Variants in CCDC18 observed in about 807,000 individuals in gnomAD.
CCDC18 encodes coiled-coil domain-containing protein 18.
In CCDC18, 157 loss-of-function variants were observed where a neutral mutation model predicts 196.0. The observed-to-expected ratio is 0.80, with a 90% CI of 0.70 to 0.91. The LOEUF is 0.91. Among genes scored for constraint, CCDC18 ranks in the 40% least tolerant of loss-of-function variants. The pLI is 0.00. For synonymous variants in CCDC18, 482 were observed against 529.2 expected (o/e 0.91, Z 1.22); for missense variants, 1,465 against 1,611.6 (o/e 0.91, Z 1.56).
chr1:93,196,943 A>C (rs1366009309), intron 6 of CCDC18, among the ~76,000 whole-genome samples: 1 of 152,214 alleles, frequency 6.6e-6, no homozygotes, highest in African/African-American at 2.4e-5. Context: ...ACTGGTGTTC[A>C]TTGACCATTG....
At chr1:93,182,047 G>T (rs1649806988) in intron 1 of CCDC18, among the ~76,000 whole-genome samples, 1 of 152,180 alleles carries the variant, frequency 6.6e-6, no homozygotes, top group Non-Finnish European at 1.5e-5. Context: ...CCATCCTACA[G>T]AGAGCTAGAG....
intron 14 of CCDC18, among the ~76,000 whole-genome samples, chr1:93,220,833 G>T (rs1319371655): frequency 6.6e-6 from 1 of 152,034 alleles, no homozygotes; most frequent in Admixed American, 6.6e-5. Context: ...CCATGTCTTC[G>T]TGTGTTCTCA....
rs1038108496 is a variant in CCDC18, at chr1:93,236,325, T to A, written c.2538T>A (p.Cys846Ter). The change falls in exon 19 of 29, where the codon TGT (cysteine) becomes TGA (stop). Residue 846 changes from cysteine (C) to a stop codon, truncating the protein, a stop_gained. Coordinates refer to ENST00000690025, the MANE Select transcript of CCDC18 (RefSeq NM_001378204.1). LOFTEE classifies it high-confidence loss of function. Reference protein sequence around the residue: ...AEKLRKMEEKCESAAHEADLK... With the variant: ...AEKLRKMEEK Reference sequence around the variant, plus strand: ...AGTTGAGAAAAATGGAGGAGAAATGTGAATCAGCTGCACATGAAGCAGATT... The same window carrying A: ...AGTTGAGAAAAATGGAGGAGAAATGAGAATCAGCTGCACATGAAGCAGATT... 3.8e-5 allele frequency: 60 copies of A among 1,577,384 alleles called. No homozygotes were observed. In the East Asian group the frequency reaches 1.4e-3, roughly 36 times the overall value.
intron 28 of CCDC18, among the ~76,000 whole-genome samples, chr1:93,277,973 TTTTATTTTA>T (rs1665718944): frequency 6.6e-6 from 1 of 152,026 alleles, no homozygotes; most frequent in Non-Finnish European, 1.5e-5. Context: ...TGCTTTTATT[TTTTATTTTA>T]TTTATTTTAT....
chr1:93,220,937 G>A (rs574782590), intron 14 of CCDC18, among the ~76,000 whole-genome samples: 5 of 152,080 alleles, frequency 3.3e-5, no homozygotes, highest in South Asian at 2.1e-4. Flanking sequence ...AACTCCATCC[G>A]TGTCCCTGTA....
intron 18 of CCDC18, among the ~76,000 whole-genome samples, chr1:93,235,884 G>T (rs1232191675): frequency 2.0e-5 from 3 of 152,114 alleles, no homozygotes; most frequent in African/African-American, 4.8e-5. Context: ...AGCATTTGAG[G>T]TCATGTGGAA....
At chr1:93,198,744 C>T (rs1400770216) in intron 6 of CCDC18, among the ~76,000 whole-genome samples, 1 of 152,054 alleles carries the variant, frequency 6.6e-6, no homozygotes, top group Admixed American at 6.6e-5. Flanking sequence ...AACTACTGGG[C>T]TCAAGTGATC....
At chr1:93,252,156 G>A (rs1044987918) in intron 23 of CCDC18, among the ~76,000 whole-genome samples, 2 of 152,004 alleles carry the variant, frequency 1.3e-5, no homozygotes, top group African/African-American at 2.4e-5. Flanking sequence ...TCCCACTTCC[G>A]CATTGTGAGT....
intron 23 of CCDC18, among the ~76,000 whole-genome samples, chr1:93,254,258 G>C (rs1035248991): frequency 1.3e-5 from 2 of 152,084 alleles, no homozygotes; most frequent in Non-Finnish European, 2.9e-5. Flanking sequence ...CTGTTGTTGT[G>C]GGGGAATATG....
intron 21 of CCDC18, among the ~76,000 whole-genome samples, chr1:93,245,003 C>G (rs978944798): frequency 1.9e-4 from 29 of 152,174 alleles, no homozygotes; most frequent in African/African-American, 6.5e-4. Flanking sequence ...AGTTAATGCT[C>G]TAACATAGCA....
intron 6 of CCDC18, among the ~76,000 whole-genome samples, chr1:93,196,491 A>G (rs1325640707): frequency 6.6e-6 from 1 of 152,186 alleles, no homozygotes; most frequent in Non-Finnish European, 1.5e-5. Context: ...AGATATAAAG[A>G]CTCTAAACCA....
chr1:93,200,450 G>C (rs1571392453), intron 6 of CCDC18, among the ~76,000 whole-genome samples: 1 of 151,788 alleles, frequency 6.6e-6, no homozygotes, highest in Non-Finnish European at 1.5e-5. Context: ...AGACCAGCCC[G>C]GGCAAAATAG....
intron 17 of CCDC18, among the ~76,000 whole-genome samples, chr1:93,230,481 G>A (rs1157086631): frequency 3.9e-4 from 59 of 149,858 alleles, no homozygotes; most frequent in Non-Finnish European, 6.8e-4. Context: ...GGCAAAGGAA[G>A]ACTCCATCTC....
At chr1:93,180,657 C>T, upstream of CCDC18, 1 of 1,318,192 alleles carries the variant, frequency 7.6e-7, no homozygotes, top group Admixed American at 2.4e-5. Flanking sequence ...CCTTCGGCGG[C>T]GCCTCACGCA....
At chr1:93,236,980 T>C (rs1570506478) in intron 19 of CCDC18, among the ~76,000 whole-genome samples, 1 of 152,350 alleles carries the variant, frequency 6.6e-6, no homozygotes, top group South Asian at 2.1e-4. Context: ...CTGAAAGCAG[T>C]ACCCAGCCTC....
At chr1:93,228,178 C>T (rs1051301578) in intron 17 of CCDC18, among the ~76,000 whole-genome samples, 8 of 151,670 alleles carry the variant, frequency 5.3e-5, no homozygotes, top group Non-Finnish European at 8.8e-5. Context: ...AGCAGGGACC[C>T]GCTACCATTG....
chr1:93,212,331 T>A, intron 11 of CCDC18, 70 bp downstream of exon 11: 1 of 1,095,504 alleles, frequency 9.1e-7, no homozygotes, highest in South Asian at 2.2e-5. Context: ...TTAAAAAAAC[T>A]TTTATTTAAA....
At chr1:93,203,903 T>C (rs1284992242) in intron 7 of CCDC18, among the ~76,000 whole-genome samples, 3 of 151,340 alleles carry the variant, frequency 2.0e-5, no homozygotes, top group Admixed American at 2.0e-4. Flanking sequence ...AATCAGGGAG[T>C]CATTGGATAC....
intron 3 of CCDC18, among the ~76,000 whole-genome samples, chr1:93,185,015 G>C (rs4128752): frequency 1.3e-5 from 2 of 151,860 alleles, no homozygotes; most frequent in Admixed American, 1.3e-4. Context: ...GGCTAATCTA[G>C]TGTGTAAAGA....
Sources: allele counts gnomAD v4.1 joint callset (sites outside exome capture counted in the v4.1 genomes callset), GRCh38; gene constraint gnomAD v4.1.1; transcripts MANE v1.5; gene names NCBI Gene and HGNC (gene_info 2026-07-23, HGNC 2026-07-21).